The following MGAM variants were observed in gnomAD, a reference collection of about 807,000 sequenced individuals.
MGAM encodes the protein maltase-glucoamylase.
MGAM carries 253 observed loss-of-function variants against 358.8 expected under a neutral mutation model. The ratio of observed to expected loss-of-function variants is 0.71; its 90% CI spans 0.64 to 0.78. MGAM has a LOEUF of 0.78. Among genes scored for constraint, MGAM ranks in the 30% least tolerant of loss-of-function variants. The pLI is 0.00. For synonymous variants in MGAM, 1,105 were observed against 1,227.1 expected (o/e 0.90, Z 2.08); for missense variants, 3,080 against 3,432.6 (o/e 0.90, Z 2.57).
At chr7:142,068,533 T>G in intron 42 of MGAM, 114 bp from the exon 43 acceptor site, 1 of 840,036 alleles carries the variant, frequency 1.2e-6, no homozygotes, top group South Asian at 1.5e-5. Flanking sequence ...TCTTGGGACA[T>G]GAGGCAGCTG....
chr7:142,096,489 C>G (rs36061384), intron 65 of MGAM, 74 bp downstream of exon 65: 237,229 of 1,468,576 alleles, frequency 0.16, 19,942 homozygotes, highest in South Asian at 0.19. Flanking sequence ...GAGAAGAGGC[C>G]TGAGCTGGTG....
intron 22 of MGAM, among the ~76,000 whole-genome samples, chr7:142,048,088 A>G (rs1195504210): frequency 1.3e-5 from 2 of 152,134 alleles, no homozygotes; most frequent in Non-Finnish European, 2.9e-5. Context: ...CAATTCTCCT[A>G]TTGGACAGTG....
intron 18 of MGAM, among the ~76,000 whole-genome samples, chr7:142,038,023 T>G (rs1432887496): frequency 6.6e-6 from 1 of 152,140 alleles, no homozygotes; most frequent in Admixed American, 6.6e-5. Context: ...TTTTTGTATC[T>G]GTTAACCATC....
At position 142,088,996 on chromosome 7, in the gene MGAM, G is replaced by GTATCTATCTATCTATC. The variant is rs71166560; in HGVS notation, c.6810+2303_6810+2318dup. 8.6e-4 allele frequency among the ~76,000 whole-genome samples: 101 copies of GTATCTATCTATCTATC among 118,040 alleles called. 9 individuals carry two copies. Among genetic ancestry groups the GTATCTATCTATCTATC allele is most frequent in the Non-Finnish European group, 9.7e-4 (52 of 53,514 alleles). 77.4% of individuals were successfully genotyped at this position (118,040 alleles called of 152,430 possible). On this transcript the variant is annotated intron_variant, in intron 57 of 70. Coordinates refer to ENST00000475668, the MANE Select transcript of MGAM (RefSeq NM_001365693.1). ...TGTATGTATGTATGTATGTATGTAT[G>GTATCTATCTATCTATC]TATCTATCTATCTATCTATCTATCT... is the stretch of plus-strand genomic sequence containing the variant.
At chr7:142,030,270 T>C in intron 10 of MGAM, 92 bp from the exon 11 acceptor site, 2 of 1,300,580 alleles carry the variant, frequency 1.5e-6, no homozygotes, top group South Asian at 1.4e-5. Flanking sequence ...CAGAACAGAG[T>C]TGTTTATCCT....
At chr7:142,005,767 G>T in intron 2 of MGAM, 110 bp downstream of exon 2, 1 of 1,133,864 alleles carries the variant, frequency 8.8e-7, no homozygotes. Flanking sequence ...TGTTTGTTGC[G>T]GGGGCTGTTA....
intron 7 of MGAM, among the ~76,000 whole-genome samples, chr7:142,023,033 CTG>C (rs1306094755): frequency 6.6e-6 from 1 of 152,064 alleles, no homozygotes. Flanking sequence ...TGGCAATACT[CTG>C]TTGTTCAGGG....
At chr7:142,043,104 T>C (rs1256939486) in intron 21 of MGAM, among the ~76,000 whole-genome samples, 1 of 44,298 alleles carries the variant, frequency 2.3e-5, no homozygotes, top group South Asian at 1.0e-3. Context: ...TATATATACA[T>C]ATAATATCTA....
chr7:142,039,026 T>G (rs1808263998), intron 19 of MGAM, among the ~76,000 whole-genome samples: 1 of 151,052 alleles, frequency 6.6e-6, no homozygotes, highest in South Asian at 2.1e-4. Flanking sequence ...CTTACAGTCA[T>G]GGAGGAAGGT....
rs532961929 is a variant in MGAM, at chr7:142,040,235, C to A, written c.2373+64C>A. Reference sequence around the variant, plus strand: ...TAGCTGCAGCTGCATAGACAAGCTACCTTTCTGGAGAGAGAAACATCCATC... The same window carrying A: ...TAGCTGCAGCTGCATAGACAAGCTAACTTTCTGGAGAGAGAAACATCCATC... On this transcript the variant is annotated intron_variant, in intron 20 of 70. Transcript: ENST00000475668. The A allele has an allele frequency of 4.4e-5, 58 of 1,306,686 alleles. No individual in the cohort carries two copies. In the South Asian group the frequency reaches 6.3e-4, roughly 14 times the overall value. The allele number at this position is 1,306,686 out of a possible 1,614,324, so 80.9% of individuals were successfully genotyped here. A position where few individuals can be genotyped will look rare whatever the true frequency, so the allele number is the denominator to read the frequency against.
chr7:142,050,759 T>A lies in MGAM; in HGVS notation c.2700T>A (p.Asn900Lys), dbSNP rs1810870186. The change falls in exon 24 of 71, where the codon AAT becomes AAA. Residue 900 changes from asparagine to lysine, a missense_variant. Physicochemically the swap from Asn to Lys is moderately conservative, Grantham distance 94. This residue lies in a region of MGAM where 1,816 missense variants were observed against 1,840.5 expected (regional missense o/e 0.99). Transcript: ENST00000475668. The part of the protein sequence containing the change: ...TYKDPNNLAF[N>K]EIKILGTEEP... ...AGGACCCCAATAATTTAGCATTTAATGAGATTAAAATTCTTGGGACGGAGG... is the reference window on the plus strand; with the variant it reads ...AGGACCCCAATAATTTAGCATTTAAAGAGATTAAAATTCTTGGGACGGAGG... The A allele has an allele frequency of 1.2e-6, 2 of 1,601,270 alleles. No homozygotes were observed. The highest frequency in any genetic ancestry group is 1.3e-5 in the African/African-American group (1 of 74,792).
chr7:142,074,051 C>T (rs543381269), intron 44 of MGAM, 34 bp from the exon 45 acceptor site: 4 of 1,425,426 alleles, frequency 2.8e-6, no homozygotes, highest in Non-Finnish European at 2.9e-6. Context: ...TTGTCTGACT[C>T]CTGTCTTTGT....
At chr7:142,046,982 T>C (rs1193579177) in intron 21 of MGAM, among the ~76,000 whole-genome samples, 1 of 152,168 alleles carries the variant, frequency 6.6e-6, no homozygotes, top group African/African-American at 2.4e-5. Context: ...ACATGAATAT[T>C]TAATGAAAGC....
chr7:142,066,746 T>A (rs1812796737), intron 41 of MGAM, 25 bp downstream of exon 41: 1 of 1,546,078 alleles, frequency 6.5e-7, no homozygotes. Flanking sequence ...GGGATCCCGA[T>A]GACTAATGGA....
chr7:142,074,226 T>C lies in MGAM; in HGVS notation c.5275+53T>C, dbSNP rs1181617080. The C allele has an allele frequency of 5.4e-5, 67 of 1,237,990 alleles. 4 individuals are homozygous for C. The highest frequency in any genetic ancestry group is 7.1e-5 in the Non-Finnish European group (61 of 865,206). 76.7% of individuals were successfully genotyped at this position (1,237,990 alleles called of 1,614,324 possible). A position where few individuals can be genotyped will look rare whatever the true frequency, so the allele number is the denominator to read the frequency against. On this transcript the variant is annotated intron_variant, in intron 45 of 70. Transcript: ENST00000475668. ...TTTCCCAACCTGCGCCTGTGACTTA[T>C]GGTCCTTCACTCCTGCTGGTCATTC...
Position 142,022,355 on chromosome 7 carries a change from G to T in MGAM, c.798G>T (p.Leu266=), listed in dbSNP as rs146615509. The T allele has an allele frequency of 1.9e-6, 3 of 1,613,684 alleles. No homozygotes were observed. The highest frequency in any genetic ancestry group is 2.7e-5 in the African/African-American group (2 of 75,020). Reference sequence around the variant, plus strand: ...TGCCTAGCACTAACGTGTATGGCCTGGGAGAGCATGTGCACCAGCAGTATC... The same window carrying T: ...TGCCTAGCACTAACGTGTATGGCCTTGGAGAGCATGTGCACCAGCAGTATC... ...TRLPSTNVYG[L]GEHVHQQYRH... is the part of the protein sequence containing the mutation. The change falls in exon 7 of 71, where the codon CTG becomes CTT. Residue 266 remains leucine (L), a synonymous_variant. Coordinates refer to ENST00000475668, the MANE Select transcript of MGAM (RefSeq NM_001365693.1).
intron 31 of MGAM, among the ~76,000 whole-genome samples, chr7:142,059,042 T>C (rs560574512): frequency 6.6e-6 from 1 of 152,224 alleles, no homozygotes; most frequent in Non-Finnish European, 1.5e-5. Context: ...CCAAAGCAAC[T>C]ATACATCTTT....
chr7:142,001,126 A>G (rs1055882876), intron 1 of MGAM, among the ~76,000 whole-genome samples: 8 of 152,340 alleles, frequency 5.3e-5, no homozygotes, highest in Admixed American at 1.3e-4. Flanking sequence ...GTTTAATTTT[A>G]TAGGATTTCT....
At chr7:141,998,571 G>T (rs2128975484) in intron 1 of MGAM, among the ~76,000 whole-genome samples, 1 of 152,214 alleles carries the variant, frequency 6.6e-6, no homozygotes, top group African/African-American at 2.4e-5. Context: ...CCATGTCCCT[G>T]CAAAGGACAT....
Sources: allele counts gnomAD v4.1 joint callset (sites outside exome capture counted in the v4.1 genomes callset), GRCh38; gene constraint gnomAD v4.1.1; regional missense constraint gnomAD v4.1.1; transcripts MANE v1.5; gene names NCBI Gene and HGNC (gene_info 2026-07-23, HGNC 2026-07-21).